NEGR1: variants seen among roughly 807,000 people sequenced by gnomAD.
The protein encoded by NEGR1 is neuronal growth regulator 1, also known as IgLON family member 4.
A neutral mutation model predicts 40.9 loss-of-function variants in NEGR1; 10 were observed. The ratio of observed to expected loss-of-function variants is 0.24; its 90% CI spans 0.15 to 0.42. The LOEUF (loss-of-function observed/expected upper bound fraction) is 0.42, where lower values mean the gene tolerates loss of function less well. Among genes scored for constraint, NEGR1 ranks in the 10% least tolerant of loss-of-function variants. The pLI is 1.00. For missense variants in NEGR1, 352 were observed against 438.9 expected (o/e 0.80, Z 1.77); for synonymous variants, 185 against 166.8 (o/e 1.11, Z -0.84).
intron 2 of NEGR1, among the ~76,000 whole-genome samples, chr1:71,851,840 TAA>T (rs1224765076): frequency 6.6e-6 from 1 of 152,198 alleles, no homozygotes; most frequent in Admixed American, 6.6e-5. Context: ...ATTTATACTC[TAA>T]GTTTACTAAT....
intron 6 of NEGR1, among the ~76,000 whole-genome samples, chr1:71,484,259 C>T (rs545643460): frequency 7.3e-5 from 11 of 151,658 alleles, no homozygotes; most frequent in African/African-American, 2.2e-4. Context: ...GGATGTTAAC[C>T]TCTGGTATGA....
chr1:71,955,093 A>G (rs1417087715), intron 1 of NEGR1, among the ~76,000 whole-genome samples: 1 of 152,160 alleles, frequency 6.6e-6, no homozygotes, highest in Non-Finnish European at 1.5e-5. Flanking sequence ...GGCCCTTTGT[A>G]CCATGCTTTA....
At chr1:72,256,944 GA>G (rs66571692) in intron 1 of NEGR1, among the ~76,000 whole-genome samples, 15,998 of 152,126 alleles carry the variant, frequency 0.11, 2,846 homozygotes, top group African/African-American at 0.37. Context: ...ATAGTTTCTA[GA>G]AGTAACACAA....
chr1:71,611,520 T>G (rs1211256910), intron 4 of NEGR1, among the ~76,000 whole-genome samples: 1 of 152,172 alleles, frequency 6.6e-6, no homozygotes, highest in Non-Finnish European at 1.5e-5. Flanking sequence ...GCTAGGTGCT[T>G]TACATTCTCG....
chr1:71,805,789 TTATTCATG>T lies in NEGR1; in HGVS notation c.410-29500_410-29493del, dbSNP rs1216006733. On this transcript the variant is annotated intron_variant, in intron 2 of 6. Transcript: ENST00000357731. The stretch of plus-strand genomic sequence containing the variant: ...CCTGGTTTATTTGAATAGCAAATTT[TTATTCATG>T]TTCTCAGTAATAGGCAGAAGAAAAG... Among the ~76,000 whole-genome samples, 28 of 152,334 alleles carry T rather than the reference TTATTCATG, an allele frequency of 1.8e-4. 1 individual carries two copies. The East Asian group carries it at 4.2e-3, about 23-fold the overall frequency.
At chr1:72,092,697 C>T (rs1465820070) in intron 1 of NEGR1, among the ~76,000 whole-genome samples, 1 of 152,086 alleles carries the variant, frequency 6.6e-6, no homozygotes, top group Non-Finnish European at 1.5e-5. Flanking sequence ...TTTGCCCAGG[C>T]TGGAGTGCAG....
chr1:71,424,809 G>A (rs1646419128), intron 6 of NEGR1, among the ~76,000 whole-genome samples: 1 of 152,076 alleles, frequency 6.6e-6, no homozygotes, highest in African/African-American at 2.4e-5. Context: ...ACAAGGAACT[G>A]GATCCTGAAA....
chr1:71,946,365 C>T (rs1330392471), intron 1 of NEGR1, among the ~76,000 whole-genome samples: 1 of 151,970 alleles, frequency 6.6e-6, no homozygotes, highest in African/African-American at 2.4e-5. Context: ...CACCTTTGAA[C>T]TCTCAAAAAT....
chr1:71,417,801 A>C (rs540959724), intron 6 of NEGR1, among the ~76,000 whole-genome samples: 12 of 152,316 alleles, frequency 7.9e-5, no homozygotes, highest in Middle Eastern at 3.4e-3. Context: ...GTAGCTTTAA[A>C]AAATGTGTTA....
At chr1:71,665,251 G>C (rs1024158786) in intron 4 of NEGR1, among the ~76,000 whole-genome samples, 1 of 152,122 alleles carries the variant, frequency 6.6e-6, no homozygotes, top group African/African-American at 2.4e-5. Flanking sequence ...CATCTTTGCT[G>C]TCTGGGGATA....
intron 2 of NEGR1, among the ~76,000 whole-genome samples, chr1:71,925,951 T>G (rs1416036417): frequency 6.6e-6 from 1 of 152,166 alleles, no homozygotes; most frequent in Non-Finnish European, 1.5e-5. Flanking sequence ...TCTTTGTTTT[T>G]TTTAAGAGAA....
intron 2 of NEGR1, among the ~76,000 whole-genome samples, chr1:71,887,992 GACACACAC>G (rs57794150): frequency 0.12 from 16,454 of 138,172 alleles, 1,111 homozygotes; most frequent in Admixed American, 0.21. Context: ...CTTTTGAAAG[GACACACAC>G]ACACACACAC....
chr1:71,845,786 C>T (rs1659387214), intron 2 of NEGR1, among the ~76,000 whole-genome samples: 1 of 152,022 alleles, frequency 6.6e-6, no homozygotes, highest in Non-Finnish European at 1.5e-5. Context: ...TAGAGATGGG[C>T]TCTTGCTGTG....
At chr1:71,468,909 T>C (rs1646764946) in intron 6 of NEGR1, 1 of 152,060 alleles carries the variant, frequency 6.6e-6, no homozygotes, top group South Asian at 2.1e-4. Context: ...TATTAAATAT[T>C]CAAGAAACTG....
chr1:71,531,919 T>G (rs1557557294), intron 6 of NEGR1, among the ~76,000 whole-genome samples: 1 of 151,370 alleles, frequency 6.6e-6, no homozygotes, highest in Non-Finnish European at 1.5e-5. Context: ...ATAGAATTTT[T>G]TTTTTCATTT....
chr1:72,144,681 C>G (rs1481610621), intron 1 of NEGR1, among the ~76,000 whole-genome samples: 1 of 152,020 alleles, frequency 6.6e-6, no homozygotes, highest in Non-Finnish European at 1.5e-5. Context: ...TCTCACTTCT[C>G]TAATGAATGT....
At chr1:71,922,480 C>T (rs1038316509) in intron 2 of NEGR1, among the ~76,000 whole-genome samples, 9 of 152,128 alleles carry the variant, frequency 5.9e-5, no homozygotes, top group African/African-American at 1.2e-4. Context: ...AAAAAATATA[C>T]GATTATTTTC....
intron 3 of NEGR1, among the ~76,000 whole-genome samples, chr1:71,728,790 AGC>A (rs1352505233): frequency 6.6e-6 from 1 of 152,138 alleles, no homozygotes; most frequent in Non-Finnish European, 1.5e-5. Flanking sequence ...TGTGCTCATT[AGC>A]GTAAGTTTTC....
intron 1 of NEGR1, among the ~76,000 whole-genome samples, chr1:71,955,449 G>C (rs970750327): frequency 6.6e-6 from 1 of 152,046 alleles, no homozygotes; most frequent in Non-Finnish European, 1.5e-5. Context: ...TGATATGACA[G>C]ACTGCAAACT....
Sources: gnomAD v4.1 joint callset for allele counts (sites outside exome capture counted in the v4.1 genomes callset) on GRCh38, gnomAD v4.1.1 for gene constraint, MANE v1.5 for transcripts, NCBI Gene and HGNC (gene_info 2026-07-23, HGNC 2026-07-21) for gene names.